Variants in GLP1R observed in about 807,000 individuals in gnomAD.
The protein encoded by GLP1R is glucagon-like peptide 1 receptor.
In GLP1R, 32 loss-of-function variants were observed where a neutral mutation model predicts 68.4. The observed-to-expected ratio is 0.47, with a 90% CI of 0.35 to 0.63. GLP1R has a LOEUF of 0.63. GLP1R is among the 20% of genes least tolerant of loss of function. The probability of loss-of-function intolerance (pLI) is 0.00; values close to 1 mark genes in which losing one functional copy is unlikely to be tolerated. For missense variants in GLP1R, 502 were observed against 594.9 expected, an observed-to-expected ratio of 0.84 and a Z score of 1.62; for synonymous variants, 263 against 244.4, an observed-to-expected ratio of 1.08 and a Z score of -0.71.
chr6:39,079,019 C>A lies in GLP1R; in HGVS notation c.947C>A (p.Ala316Asp), dbSNP rs1126475. ...WLIIRLPILF[A>D]IGVNFLIFVR... ...ATTATCCGGCTGCCCATTCTCTTTG[C>A]CATTGGGGTGAGTGATGGTGTCAGG... is the stretch of plus-strand genomic sequence containing the variant. The change falls in exon 9 of 13, where the codon GCC (alanine) becomes GAC (aspartate). Residue 316 changes from alanine (A) to aspartate (D), a missense_variant. Transcript: ENST00000373256. This position sits in a 1 kb window ranked among gnomAD's most constrained non-coding sequence, Gnocchi z 4.5. 1 of 1,613,798 alleles carries A rather than the reference C, an allele frequency of 6.2e-7. No individual in the cohort carries two copies. Among genetic ancestry groups the A allele is most frequent in the South Asian group, 1.1e-5 (1 of 91,068 alleles).
intron 5 of GLP1R, among the ~76,000 whole-genome samples, chr6:39,070,995 GATT>G (rs1174697102): frequency 3.9e-5 from 6 of 151,954 alleles, no homozygotes; most frequent in Non-Finnish European, 8.8e-5. Context: ...TAATTTTATT[GATT>G]GCTTTAAAAT....
At chr6:39,063,049 G>A (rs1049809427) in intron 3 of GLP1R, among the ~76,000 whole-genome samples, 3 of 152,214 alleles carry the variant, frequency 2.0e-5, no homozygotes, top group South Asian at 2.1e-4. Flanking sequence ...AGCATCACAC[G>A]GTTGCAGGCT....
intron 6 of GLP1R, among the ~76,000 whole-genome samples, chr6:39,073,336 G>A (rs1352424759): frequency 6.6e-6 from 1 of 152,196 alleles, no homozygotes; most frequent in African/African-American, 2.4e-5. Flanking sequence ...TACACTTTTA[G>A]GCAAGTCACT....
intron 12 of GLP1R, among the ~76,000 whole-genome samples, chr6:39,085,610 C>T (rs1445449729): frequency 1.3e-5 from 2 of 152,164 alleles, no homozygotes; most frequent in Admixed American, 6.5e-5. Flanking sequence ...CATTCTCTTC[C>T]GTTAAATAAT....
At chr6:39,080,359 G>A (rs1484093581) in intron 11 of GLP1R, among the ~76,000 whole-genome samples, 2 of 152,200 alleles carry the variant, frequency 1.3e-5, no homozygotes, top group Non-Finnish European at 2.9e-5. Flanking sequence ...GTACTTCACT[G>A]GATCAGGCCT....
chr6:39,085,217 G>C (rs2268633), intron 12 of GLP1R, among the ~76,000 whole-genome samples: 12,579 of 152,244 alleles, frequency 0.083, 899 homozygotes, highest in East Asian at 0.37. Context: ...CAGCCCTCCT[G>C]AGAGGCTTTT....
Position 39,079,608 on chromosome 6 carries a change from A to G in GLP1R, c.1088A>G (p.His363Arg). The G allele has an allele frequency of 1.2e-6, 2 of 1,610,686 alleles. No homozygotes were observed. Among genetic ancestry groups the G allele is most frequent in the Non-Finnish European group, 8.5e-7 (1 of 1,178,504 alleles). The stretch of plus-strand genomic sequence containing the variant: ...ACACTCATCCCCCTGCTGGGGACTC[A>G]TGAGGTCATCTTTGCCTTTGTGATG... Reference protein sequence around the residue: ...TLTLIPLLGTHEVIFAFVMDE... With the variant: ...TLTLIPLLGTREVIFAFVMDE... Residue 363 changes from histidine (H) to arginine (R), a missense_variant, in exon 11 of 13, where the codon CAT becomes CGT. Coordinates refer to ENST00000373256, the MANE Select transcript of GLP1R (RefSeq NM_002062.5). The surrounding 1 kb of genome is among the most constrained non-coding windows in gnomAD (Gnocchi z 4.5).
chr6:39,082,631 G>A (rs189329132), intron 12 of GLP1R, among the ~76,000 whole-genome samples: 74 of 152,222 alleles, frequency 4.9e-4, no homozygotes, highest in African/African-American at 1.6e-3. Flanking sequence ...TGATGCAAAC[G>A]AGGAAGTGCA....
At chr6:39,080,502 C>T (rs979664066) in intron 11 of GLP1R, among the ~76,000 whole-genome samples, 196 bp from the exon 12 acceptor site, 2 of 152,192 alleles carry the variant, frequency 1.3e-5, no homozygotes, top group African/African-American at 2.4e-5. Flanking sequence ...CAGGCCTAGT[C>T]GCAGAGGTGC....
chr6:39,079,279 C>A lies in GLP1R; in HGVS notation c.1043+79C>A. 1 of 1,059,568 alleles carries A rather than the reference C, an allele frequency of 9.4e-7. No homozygotes were observed. The highest frequency in any genetic ancestry group is 1.5e-6 in the Non-Finnish European group (1 of 679,844). 65.6% of individuals were successfully genotyped at this position (1,059,568 alleles called of 1,614,324 possible). ...TCTAGCAGAGAGAGAGAGAGAGATCCTGGGATGCTTAGCTTAGAGCCCTAC... is the reference window on the plus strand; with the variant it reads ...TCTAGCAGAGAGAGAGAGAGAGATCATGGGATGCTTAGCTTAGAGCCCTAC... On this transcript the variant is annotated intron_variant, in intron 10 of 12. Transcript: ENST00000373256. The surrounding 1 kb of genome is among the most constrained non-coding windows in gnomAD (Gnocchi z 4.5).
At position 39,079,339 on chromosome 6, in the gene GLP1R, A is replaced by G. The variant is rs990762891; in HGVS notation, c.1043+139A>G. On this transcript the variant is annotated intron_variant, in intron 10 of 12. Coordinates refer to ENST00000373256, the MANE Select transcript of GLP1R (RefSeq NM_002062.5). The surrounding 1 kb of genome is among the most constrained non-coding windows in gnomAD (Gnocchi z 4.5). ...TCCTTCCACCCAGGCCTGGCCTTGG[A>G]CCCCAAACCCTTGCTTTTGCCCTGT... 1.2e-6 allele frequency: 1 copy of G among 813,810 alleles called. No homozygotes were observed. Among genetic ancestry groups the G allele is most frequent in the Non-Finnish European group, 2.0e-6 (1 of 500,496 alleles). The allele number at this position is 813,810 out of a possible 1,614,324, so 50.4% of individuals were successfully genotyped here. A position where few individuals can be genotyped will look rare whatever the true frequency, so the allele number is the denominator to read the frequency against.
Position 39,088,337 on chromosome 6 carries a change from C to T in GLP1R, c.*2264C>T, listed in dbSNP as rs928999417. Among the ~76,000 whole-genome samples, 2 of 152,044 alleles carry T rather than the reference C, an allele frequency of 1.3e-5. No homozygotes were observed. Among genetic ancestry groups the T allele is most frequent in the African/African-American group, 4.8e-5 (2 of 41,374 alleles). On this transcript the variant is annotated 3_prime_UTR_variant, in exon 13 of 13. Transcript: ENST00000373256. Reference sequence around the variant, plus strand: ...TAATAGTCATTCAAATGGCACTGCACTCTTTCCAAGCTTTCCTAAGCTAAA... The same window carrying T: ...TAATAGTCATTCAAATGGCACTGCATTCTTTCCAAGCTTTCCTAAGCTAAA...
chr6:39,048,787 C>A lies in GLP1R; in HGVS notation c.-54C>A. 1 of 826,738 alleles carries A rather than the reference C, an allele frequency of 1.2e-6. No individual in the cohort carries two copies. Among genetic ancestry groups the A allele is most frequent in the Non-Finnish European group, 1.9e-6 (1 of 520,348 alleles). The allele number at this position is 826,738 out of a possible 1,614,324, so 51.2% of individuals were successfully genotyped here. ...CGCCCGCCACCAGCCCGGGATCAGT[C>A]TCCGCACGCGGTTCCGCAGGTGGCA... On this transcript the variant is annotated 5_prime_UTR_variant, in exon 1 of 13. Transcript: ENST00000373256.
At chr6:39,083,355 TAAG>T (rs2150838847) in intron 12 of GLP1R, among the ~76,000 whole-genome samples, 1 of 152,344 alleles carries the variant, frequency 6.6e-6, no homozygotes, top group African/African-American at 2.4e-5. Context: ...GCTCTGGGGC[TAAG>T]GCCTCTGTCC....
In GLP1R at chr6:39,085,967, G is replaced by A. The variant is rs761302689; in HGVS notation, c.1286G>A (p.Arg429Lys). The change falls in exon 13 of 13, where the codon AGG (arginine) becomes AAG (lysine). Residue 429 changes from arginine (R) to lysine (K), a missense_variant. Transcript: ENST00000373256. ...CGGCTTGAGCACTTGCACATCCAGA[G>A]GGACAGCAGCATGAAGCCCCTCAAG... ...RWRLEHLHIQ[R>K]DSSMKPLKCP... 6.2e-7 allele frequency: 1 copy of A among 1,613,974 alleles called. No individual in the cohort carries two copies. The highest frequency in any genetic ancestry group is 8.5e-7 in the Non-Finnish European group (1 of 1,179,920).
At chr6:39,082,127 G>A (rs1769024632) in intron 12 of GLP1R, among the ~76,000 whole-genome samples, 1 of 152,126 alleles carries the variant, frequency 6.6e-6, no homozygotes, top group South Asian at 2.1e-4. Context: ...GGAAGGGAGG[G>A]GAATGTTCCC....
At chr6:39,054,624 C>T (rs1001156326) in intron 1 of GLP1R, among the ~76,000 whole-genome samples, 2 of 152,320 alleles carry the variant, frequency 1.3e-5, no homozygotes, top group East Asian at 1.9e-4. Context: ...AACCCCTCCC[C>T]CCGCCTCTGG....
intron 3 of GLP1R, among the ~76,000 whole-genome samples, chr6:39,059,823 C>T (rs1465025948): frequency 2.6e-5 from 4 of 152,186 alleles, no homozygotes; most frequent in Non-Finnish European, 5.9e-5. Flanking sequence ...CAGCACTAAG[C>T]CACCCCCAGC....
Position 39,079,075 on chromosome 6 carries a change from C to G in GLP1R, c.955-37C>G, listed in dbSNP as rs755228090. On this transcript the variant is annotated intron_variant, in intron 9 of 12. Transcript: ENST00000373256. The surrounding 1 kb of genome is among the most constrained non-coding windows in gnomAD (Gnocchi z 4.5). ...GAGTGGCAGCTATGATAGGGCTGGGCTGGTGCCCCCTGCCAATCCCCGGCC... is the reference window on the plus strand; with the variant it reads ...GAGTGGCAGCTATGATAGGGCTGGGGTGGTGCCCCCTGCCAATCCCCGGCC... The G allele has an allele frequency of 6.2e-7, 1 of 1,605,676 alleles. No homozygotes were observed. The highest frequency in any genetic ancestry group is 2.2e-5 in the East Asian group (1 of 44,838).
Sources: gnomAD v4.1 joint callset for allele counts (sites outside exome capture counted in the v4.1 genomes callset) on GRCh38, gnomAD v4.1.1 for gene constraint, Gnocchi (gnomAD v3.1) non-coding constraint, MANE v1.5 for transcripts, NCBI Gene and HGNC (gene_info 2026-07-23, HGNC 2026-07-21) for gene names.